MTUS2: variants seen among roughly 807,000 people sequenced by gnomAD.
MTUS2 encodes the protein microtubule-associated tumor suppressor candidate 2.
A neutral mutation model predicts 114.1 loss-of-function variants in MTUS2; 40 were observed. The ratio of observed to expected loss-of-function variants is 0.35; its 90% CI spans 0.27 to 0.46. The LOEUF (loss-of-function observed/expected upper bound fraction) is 0.46. Ranked by LOEUF, MTUS2 falls within the 20% of genes least tolerant of loss-of-function variation. The probability of loss-of-function intolerance (pLI) is 1.00; values close to 1 mark genes in which losing one functional copy is unlikely to be tolerated. For missense variants in MTUS2, 1,679 were observed against 1,705.4 expected (o/e 0.98, Z 0.27); for synonymous variants, 688 against 672.0 (o/e 1.02, Z -0.37).
chr13:29,412,687 C>T (rs61946413), intron 8 of MTUS2, among the ~76,000 whole-genome samples: 8,503 of 152,074 alleles, frequency 0.056, 346 homozygotes, highest in Non-Finnish European at 0.082. Flanking sequence ...CATAGGAGTT[C>T]GAGACCAGCC....
chr13:29,352,966 G>A (rs1301371165), intron 7 of MTUS2, among the ~76,000 whole-genome samples: 1 of 151,908 alleles, frequency 6.6e-6, no homozygotes, highest in Non-Finnish European at 1.5e-5. Flanking sequence ...TATTCCTCTA[G>A]CTTCTTAAAT....
At chr13:29,322,154 T>C (rs1412668928) in intron 6 of MTUS2, among the ~76,000 whole-genome samples, 1 of 152,246 alleles carries the variant, frequency 6.6e-6, no homozygotes, top group Non-Finnish European at 1.5e-5. Context: ...CCATGAAAGC[T>C]GAATGGAAAA....
At chr13:29,497,672 T>A in intron 13 of MTUS2, 1 of 297,288 alleles carries the variant, frequency 3.4e-6, no homozygotes, top group Non-Finnish European at 6.5e-6. Context: ...CCCGCAACTT[T>A]TTAAGCTGAC....
intron 3 of MTUS2, among the ~76,000 whole-genome samples, chr13:29,031,419 T>G (rs9578069): frequency 0.95 from 144,112 of 151,694 alleles, 68,496 homozygotes; most frequent in South Asian, 0.98. Flanking sequence ...TATATATATA[T>G]AGAGAGAGAT....
intron 2 of MTUS2, among the ~76,000 whole-genome samples, chr13:28,930,037 A>T (rs73161865): frequency 1.3e-5 from 2 of 152,086 alleles, no homozygotes; most frequent in South Asian, 4.1e-4. Context: ...CCCAGATGGC[A>T]CTGGGATTTA....
intron 5 of MTUS2, among the ~76,000 whole-genome samples, chr13:29,126,695 A>G (rs2138935475): frequency 6.6e-6 from 1 of 152,066 alleles, no homozygotes; most frequent in South Asian, 2.1e-4. Context: ...GCCCAAGACA[A>G]TTCTTCTTTC....
intron 8 of MTUS2, among the ~76,000 whole-genome samples, chr13:29,376,775 G>T (rs577475538): frequency 6.6e-6 from 1 of 152,084 alleles, no homozygotes; most frequent in Non-Finnish European, 1.5e-5. Flanking sequence ...TCAGAAAAAG[G>T]TTGCCAACGT....
chr13:28,917,339 A>G (rs1880800412), intron 2 of MTUS2, among the ~76,000 whole-genome samples: 2 of 151,896 alleles, frequency 1.3e-5, no homozygotes, highest in South Asian at 2.1e-4. Context: ...TAGGATTGGC[A>G]TTAGTTCTTC....
intron 5 of MTUS2, among the ~76,000 whole-genome samples, chr13:29,141,972 GC>G: frequency 6.7e-6 from 1 of 150,198 alleles, no homozygotes; most frequent in South Asian, 2.1e-4. Context: ...CCATTCTACT[GC>G]CTCAGCCTCC....
intron 8 of MTUS2, among the ~76,000 whole-genome samples, chr13:29,371,883 G>T (rs908342909): frequency 1.3e-5 from 2 of 151,488 alleles, no homozygotes; most frequent in Admixed American, 6.6e-5. Context: ...ATTTCTGGAG[G>T]CCTAATGTTC....
At chr13:29,049,508 G>A (rs1887792102) in intron 4 of MTUS2, among the ~76,000 whole-genome samples, 1 of 152,200 alleles carries the variant, frequency 6.6e-6, no homozygotes, top group African/African-American at 2.4e-5. Context: ...GGCCATTAAA[G>A]GAATGTCGAG....
chr13:28,962,292 C>G (rs1883367132), intron 2 of MTUS2, among the ~76,000 whole-genome samples: 1 of 152,074 alleles, frequency 6.6e-6, no homozygotes, highest in South Asian at 2.1e-4. Context: ...TCTCTCTTCT[C>G]TCCCCTCTCC....
chr13:28,916,660 G>A (rs553336699), intron 2 of MTUS2, among the ~76,000 whole-genome samples: 15 of 150,668 alleles, frequency 1.0e-4, no homozygotes, highest in African/African-American at 3.6e-4. Context: ...TGTTTTAATC[G>A]GATTTTTGTG....
At chr13:29,211,464 A>G (rs527304915) in intron 5 of MTUS2, among the ~76,000 whole-genome samples, 10 of 152,394 alleles carry the variant, frequency 6.6e-5, no homozygotes, top group African/African-American at 2.4e-4. Flanking sequence ...CCTCCTCTCC[A>G]GACTCTGTCC....
chr13:28,883,245 TTC>T (rs1400673007), intron 2 of MTUS2, among the ~76,000 whole-genome samples: 11 of 152,356 alleles, frequency 7.2e-5, no homozygotes, highest in African/African-American at 2.2e-4. Flanking sequence ...GTTTGGCACT[TTC>T]CTGTAAAGCT....
intron 5 of MTUS2, among the ~76,000 whole-genome samples, chr13:29,121,564 C>T (rs1032989174): frequency 2.6e-5 from 4 of 151,934 alleles, no homozygotes; most frequent in African/African-American, 9.7e-5. Context: ...AAAGCCTTTT[C>T]TGGTGAATGC....
intron 5 of MTUS2, among the ~76,000 whole-genome samples, chr13:29,255,017 A>G (rs1181560435): frequency 6.6e-6 from 1 of 151,972 alleles, no homozygotes; most frequent in Non-Finnish European, 1.5e-5. Context: ...GCACCCTGTG[A>G]TTTTTTCCTG....
chr13:29,447,606 C>G lies in MTUS2; in HGVS notation c.3184+7557C>G, dbSNP rs182082229. On this transcript the variant is annotated intron_variant, in intron 9 of 15. Transcript: ENST00000612955. Reference sequence around the variant, plus strand: ...GGCCTTGGGGTATCTAAACTGTTGTCTCCATTTTTTTTTTTTTTTTTTAAT... The same window carrying G: ...GGCCTTGGGGTATCTAAACTGTTGTGTCCATTTTTTTTTTTTTTTTTTAAT... Among the ~76,000 whole-genome samples, 38 of 143,098 alleles carry G rather than the reference C, an allele frequency of 2.7e-4. No homozygotes were observed. In the East Asian group the frequency reaches 6.0e-3, roughly 23 times the overall value. 93.9% of individuals were successfully genotyped at this position (143,098 alleles called of 152,430 possible).
At chr13:29,153,255 A>G (rs1314523929) in intron 5 of MTUS2, among the ~76,000 whole-genome samples, 2 of 152,162 alleles carry the variant, frequency 1.3e-5, no homozygotes, top group Admixed American at 6.5e-5. Context: ...TTAACCTACC[A>G]TCAGGCCTAG....
Sources: allele counts gnomAD v4.1 joint callset (sites outside exome capture counted in the v4.1 genomes callset), GRCh38; gene constraint gnomAD v4.1.1; transcripts MANE v1.5; gene names NCBI Gene and HGNC (gene_info 2026-07-23, HGNC 2026-07-21).